The following CD300LF variants were observed in gnomAD, a reference collection of about 807,000 sequenced individuals.
The protein encoded by CD300LF is CD300 molecule like family member f, also known as CMRF35-like molecule 1.
CD300LF carries 27 observed loss-of-function variants against 32.2 expected under a neutral mutation model. That is an observed-to-expected ratio of 0.84 (90% CI 0.62 to 1.15). CD300LF has a LOEUF of 1.15. Among genes scored for constraint, CD300LF ranks in the 50% most tolerant of loss-of-function variants. The pLI is 0.00. For synonymous variants in CD300LF, 139 were observed against 143.2 expected, an observed-to-expected ratio of 0.97 and a Z score of 0.21; for missense variants, 348 against 356.8, an observed-to-expected ratio of 0.98 and a Z score of 0.20.
intron 3 of CD300LF, among the ~76,000 whole-genome samples, chr17:74,699,062 G>T (rs2032790524): frequency 1.3e-5 from 2 of 151,916 alleles, no homozygotes; most frequent in Admixed American, 1.3e-4. Context: ...GGGATTACAG[G>T]CACCCACCAC....
chr17:74,712,432 C>T (rs887043911), intron 1 of CD300LF, among the ~76,000 whole-genome samples: 1 of 152,236 alleles, frequency 6.6e-6, no homozygotes, highest in African/African-American at 2.4e-5. Flanking sequence ...AGTCCTCCAG[C>T]CTCACCTCTT....
intron 1 of CD300LF, 29 bp downstream of exon 1, chr17:74,712,795 C>T (rs1364736201): frequency 1.2e-6 from 2 of 1,613,532 alleles, no homozygotes; most frequent in Non-Finnish European, 1.7e-6. Context: ...GCTAAGCTTC[C>T]CCAAGAAGAC....
chr17:74,701,004 T>C (rs1320517194), intron 3 of CD300LF, among the ~76,000 whole-genome samples: 1 of 151,902 alleles, frequency 6.6e-6, no homozygotes, highest in Non-Finnish European at 1.5e-5. Flanking sequence ...CGTGAACACA[T>C]AGGAAAAAGA....
rs545135472 is a variant in CD300LF, at chr17:74,704,681, C to G, written c.179G>C (p.Arg60Pro). The G allele has an allele frequency of 1.2e-6, 2 of 1,614,072 alleles. No individual in the cohort carries two copies. The highest frequency in any genetic ancestry group is 1.7e-5 in the Admixed American group (1 of 59,992). Residue 60 changes from arginine (R) to proline (P), a missense_variant, in exon 2 of 7, where the codon CGT (arginine) becomes CCT (proline). By Grantham distance (103) the Arg-to-Pro change is moderately radical. Coordinates refer to ENST00000326165, the MANE Select transcript of CD300LF (RefSeq NM_139018.5). ...GGTTTTAACAAGGATCTTGCAGTCACGCCAAATAGCTCCTCGACACCACCA... is the reference window on the plus strand; with the variant it reads ...GGTTTTAACAAGGATCTTGCAGTCAGGCCAAATAGCTCCTCGACACCACCA... ...LKWWCRGAIW[R>P]DCKILVKTSG...
Position 74,698,477 on chromosome 17 carries a change from T to G in CD300LF, c.451A>C (p.Lys151Gln), listed in dbSNP as rs2032726833. Reference protein sequence around the residue: ...LTGHHLDNRHKLLKLSVLLPL... With the variant: ...LTGHHLDNRHQLLKLSVLLPL... ...AGGAGGACACTGAGCTTCAGGAGCTTGTGCCTAGAAACAATGGCAAGCGTC... is the reference window on the plus strand; with the variant it reads ...AGGAGGACACTGAGCTTCAGGAGCTGGTGCCTAGAAACAATGGCAAGCGTC... Residue 151 changes from lysine to glutamine, a missense_variant, in exon 4 of 7, where the codon AAG (lysine) becomes CAG (glutamine). Physicochemically the swap from Lys to Gln is moderately conservative, Grantham distance 53 (BLOSUM62 1). Coordinates refer to ENST00000326165, the MANE Select transcript of CD300LF (RefSeq NM_139018.5). 2 of 1,613,168 alleles carry G rather than the reference T, an allele frequency of 1.2e-6. No homozygotes were observed. Among genetic ancestry groups the G allele is most frequent in the Admixed American group, 1.7e-5 (1 of 59,922 alleles).
At chr17:74,706,066 G>A (rs907892947) in intron 1 of CD300LF, among the ~76,000 whole-genome samples, 3 of 152,186 alleles carry the variant, frequency 2.0e-5, no homozygotes, top group East Asian at 1.9e-4. Context: ...ACATAAAGAT[G>A]GGAACAACAG....
intron 3 of CD300LF, among the ~76,000 whole-genome samples, chr17:74,698,914 TTTTC>T (rs1367261600): frequency 6.6e-6 from 1 of 152,062 alleles, no homozygotes; most frequent in Admixed American, 6.6e-5. Context: ...TTGTTTTTGG[TTTTC>T]TTTGTTTTTC....
intron 1 of CD300LF, among the ~76,000 whole-genome samples, chr17:74,706,765 G>T (rs189279647): frequency 1.3e-5 from 2 of 152,216 alleles, no homozygotes; most frequent in Admixed American, 6.5e-5. Flanking sequence ...CTGGGAAGGG[G>T]TGAGGACCAC....
chr17:74,712,694 G>C (rs760040880), intron 1 of CD300LF, 130 bp downstream of exon 1: 3 of 870,142 alleles, frequency 3.4e-6, no homozygotes, highest in Non-Finnish European at 5.6e-6. Flanking sequence ...GTGAATGGTG[G>C]GTATGTGGAT....
chr17:74,703,806 GC>G (rs2033273898), intron 2 of CD300LF, among the ~76,000 whole-genome samples: 1 of 152,188 alleles, frequency 6.6e-6, no homozygotes, highest in South Asian at 2.1e-4. Context: ...AGCAGAACAA[GC>G]CCAACAAATA....
At chr17:74,712,320 AC>A (rs1414480623) in intron 1 of CD300LF, among the ~76,000 whole-genome samples, 1 of 151,462 alleles carries the variant, frequency 6.6e-6, no homozygotes, top group Non-Finnish European at 1.5e-5. Context: ...TCTCCTCTTG[AC>A]CTTTCCGTCC....
At position 74,695,192 on chromosome 17, in the gene CD300LF, C is replaced by T. The variant is rs1178196661; in HGVS notation, c.777G>A (p.Gln259=). 1 of 1,614,186 alleles carries T rather than the reference C, an allele frequency of 6.2e-7. No homozygotes were observed. Among genetic ancestry groups the T allele is most frequent in the Admixed American group, 1.7e-5 (1 of 60,020 alleles). Residue 259 remains glutamine, a synonymous_variant, in exon 7 of 7, where the codon CAG becomes CAA. Coordinates refer to ENST00000326165, the MANE Select transcript of CD300LF (RefSeq NM_139018.5). The part of the protein sequence containing the change: ...YASLTLGAED[Q]EPTYCNMGHL... ...GGCCCATGTTGCAGTAGGTCGGTTC[C>T]TGATCCTCAGCACCCAAGGTCAGAG...
At chr17:74,695,948 C>A (rs1323297242) in intron 5 of CD300LF, 89 bp from the exon 6 acceptor site, 1 of 1,464,388 alleles carries the variant, frequency 6.8e-7, no homozygotes, top group African/African-American at 1.4e-5. Flanking sequence ...GAGAGCCTCT[C>A]CACTTCCCCA....
At chr17:74,709,637 G>C (rs2033802734) in intron 1 of CD300LF, among the ~76,000 whole-genome samples, 2 of 151,952 alleles carry the variant, frequency 1.3e-5, no homozygotes, top group African/African-American at 4.8e-5. Context: ...TACGAACATG[G>C]GTCACTGCAG....
At chr17:74,711,579 T>C (rs996999466) in intron 1 of CD300LF, among the ~76,000 whole-genome samples, 2 of 152,216 alleles carry the variant, frequency 1.3e-5, no homozygotes, top group Non-Finnish European at 2.9e-5. Flanking sequence ...TTCTGAAGCA[T>C]GAGGCAAAGC....
rs1262086477 is a variant in CD300LF, at chr17:74,695,100, G to A, written c.869C>T (p.Pro290Leu). ...AGAAGGAGCCTGGAGTGCAGGCTAA[G>A]GCCTGCTGATGGTGCTGTATTCCGT... ...EPTEYSTISR[P>L] The change falls in exon 7 of 7, where the codon CCT (proline) becomes CTT (leucine). Residue 290 changes from proline (P) to leucine (L), a missense_variant. Physicochemically the swap from Pro to Leu is moderately conservative, Grantham distance 98. Transcript: ENST00000326165. The A allele has an allele frequency of 1.2e-6, 2 of 1,613,516 alleles. No homozygotes were observed. The highest frequency in any genetic ancestry group is 1.7e-6 in the Non-Finnish European group (2 of 1,179,696).
At position 74,712,818 on chromosome 17, in the gene CD300LF, G is replaced by A. The variant is rs748103558; in HGVS notation, c.43+6C>T. ...TCCCCAAGAAGACAGACCCAGGCCC[G>A]CTCACCTGAGAGCCAGAAGAGGAGC... is the stretch of plus-strand genomic sequence containing the variant. On this transcript the variant is annotated splice_donor_region_variant and intron_variant, in intron 1 of 6. Transcript: ENST00000326165. 23 of 1,613,902 alleles carry A rather than the reference G, an allele frequency of 1.4e-5. No homozygotes were observed. The highest frequency in any genetic ancestry group is 2.2e-5 in the East Asian group (1 of 44,866).
At chr17:74,710,621 G>A (rs1481103656) in intron 1 of CD300LF, among the ~76,000 whole-genome samples, 1 of 151,942 alleles carries the variant, frequency 6.6e-6, no homozygotes, top group African/African-American at 2.4e-5. Context: ...CACTTTGGGA[G>A]GCCAAGGCGG....
chr17:74,700,135 C>G (rs2032904498), intron 3 of CD300LF, among the ~76,000 whole-genome samples: 1 of 141,802 alleles, frequency 7.1e-6, no homozygotes, highest in African/African-American at 2.5e-5. Context: ...GAGCAAGACC[C>G]TGTCTCAATA....
Sources: gnomAD v4.1 joint callset for allele counts (sites outside exome capture counted in the v4.1 genomes callset) on GRCh38, gnomAD v4.1.1 for gene constraint, MANE v1.5 for transcripts, NCBI Gene and HGNC (gene_info 2026-07-23, HGNC 2026-07-21) for gene names.